The following PANK2 variants were observed in gnomAD, a reference collection of about 807,000 sequenced individuals.
PANK2 encodes pantothenate kinase 2, also known as pantothenate kinase 2, mitochondrial.
Under a neutral mutation model 43.1 loss-of-function variants are expected in PANK2, and 36 were observed. The observed-to-expected ratio is 0.84, with a 90% CI of 0.64 to 1.10. The LOEUF (loss-of-function observed/expected upper bound fraction) is 1.10, where lower values mean the gene tolerates loss of function less well. PANK2 is among the 50% of genes least tolerant of loss of function. PANK2 has a pLI of 0.00. For synonymous variants in PANK2, 281 were observed against 238.2 expected, an observed-to-expected ratio of 1.18 and a Z score of -1.66; for missense variants, 576 against 593.3, an observed-to-expected ratio of 0.97 and a Z score of 0.30.
upstream of PANK2, chr20:3,889,373 G>A (rs370260803): frequency 7.6e-6 from 12 of 1,575,452 alleles, no homozygotes; most frequent in Non-Finnish European, 1.0e-5. Context: ...GCGGCCGGCC[G>A]AGGGCGCGCC....
upstream of PANK2, chr20:3,889,096 G>A (rs1309393776): frequency 6.5e-7 from 1 of 1,539,186 alleles, no homozygotes; most frequent in South Asian, 1.2e-5. Flanking sequence ...GGAAGGAGGG[G>A]GTGGATGAGG....
chr20:3,896,681 C>T (rs938383476), intron 1 of PANK2, among the ~76,000 whole-genome samples: 2 of 152,022 alleles, frequency 1.3e-5, no homozygotes, highest in South Asian at 4.1e-4. Flanking sequence ...ATGAAGCCTC[C>T]ATTAAAAACC....
chr20:3,914,568 G>C (rs754516002), intron 4 of PANK2, among the ~76,000 whole-genome samples: 1 of 151,698 alleles, frequency 6.6e-6, no homozygotes, highest in Admixed American at 6.6e-5. Flanking sequence ...CAACATGTTG[G>C]GATTACAGGT....
At chr20:3,919,119 C>G (rs769618155) in intron 6 of PANK2, among the ~76,000 whole-genome samples, 15 of 152,160 alleles carry the variant, frequency 9.9e-5, no homozygotes, top group Admixed American at 3.9e-4. Context: ...GTTGGCCAAG[C>G]TGGTCTGGTC....
chr20:3,909,299 C>G (rs2090433362), intron 2 of PANK2, among the ~76,000 whole-genome samples: 1 of 152,078 alleles, frequency 6.6e-6, no homozygotes, highest in Non-Finnish European at 1.5e-5. Context: ...AGGCTGGTCT[C>G]GAACTCCTGA....
At chr20:3,912,717 C>T (rs998771404) in intron 4 of PANK2, 83 bp downstream of exon 4, 28 of 1,452,426 alleles carry the variant, frequency 1.9e-5, no homozygotes, top group Admixed American at 5.5e-5. Context: ...TTTGAGAGGC[C>T]GAGATGGGCA....
At chr20:3,899,651 G>A (rs970632185) in intron 1 of PANK2, among the ~76,000 whole-genome samples, 3 of 150,172 alleles carry the variant, frequency 2.0e-5, no homozygotes, top group Admixed American at 6.7e-5. Flanking sequence ...TAGTGTTTTC[G>A]AAGTATGTGT....
At chr20:3,896,214 C>T (rs527927128) in intron 1 of PANK2, among the ~76,000 whole-genome samples, 2 of 150,444 alleles carry the variant, frequency 1.3e-5, no homozygotes, top group African/African-American at 4.9e-5. Flanking sequence ...AGGTGCCCGC[C>T]ACCACGCCTG....
At chr20:3,904,721 A>T (rs1436951623) in intron 1 of PANK2, among the ~76,000 whole-genome samples, 1 of 152,124 alleles carries the variant, frequency 6.6e-6, no homozygotes, top group Non-Finnish European at 1.5e-5. Flanking sequence ...ATTTTTCTCT[A>T]TGGTAGCTTT....
chr20:3,892,534 G>A (rs1430116055), intron 1 of PANK2, among the ~76,000 whole-genome samples: 1 of 151,872 alleles, frequency 6.6e-6, no homozygotes, highest in Admixed American at 6.6e-5. Flanking sequence ...AAAATTAGCC[G>A]GGTGTGGTGA....
intron 1 of PANK2, among the ~76,000 whole-genome samples, chr20:3,903,702 A>G (rs2090342779): frequency 1.3e-5 from 2 of 148,358 alleles, no homozygotes; most frequent in South Asian, 4.3e-4. Context: ...ATCTCGGCTC[A>G]CTGCAGCCTC....
rs1357388482 is a variant in PANK2 at position 3,927,026 on chromosome 20, GTT to G, written c.*3734_*3735del. ...GAAGACTGCTTATCTGTATCCAGCT[GTT>G]TGCAGAGCTCAGGGAGGCCAGGGGG... is the stretch of plus-strand genomic sequence containing the variant. On this transcript the variant is annotated 3_prime_UTR_variant, in exon 7 of 7. Coordinates refer to ENST00000610179, the MANE Select transcript of PANK2 (RefSeq NM_001386393.1). The G allele has an allele frequency of 6.6e-6, 1 of 152,266 alleles. No individual in the cohort carries two copies. Among genetic ancestry groups the G allele is most frequent in the Non-Finnish European group, 1.5e-5 (1 of 68,424 alleles). 9.4% of individuals were successfully genotyped at this position (152,266 alleles called of 1,614,324 possible).
intron 1 of PANK2, among the ~76,000 whole-genome samples, chr20:3,901,872 A>G (rs747871055): frequency 5.3e-5 from 8 of 152,032 alleles, no homozygotes; most frequent in South Asian, 2.1e-4. Context: ...CATTTTCCTT[A>G]TAACTTTGAA....
At chr20:3,914,378 C>A (rs770043974) in intron 4 of PANK2, among the ~76,000 whole-genome samples, 1 of 151,856 alleles carries the variant, frequency 6.6e-6, no homozygotes, top group Non-Finnish European at 1.5e-5. Context: ...TGCAGTGTTG[C>A]GATCATAACT....
In PANK2 at chr20:3,889,574, G is replaced by C. The variant is rs2090078464; in HGVS notation, c.144G>C (p.Arg48=). 2 of 1,454,462 alleles carry C rather than the reference G, an allele frequency of 1.4e-6. No homozygotes were observed. The highest frequency in any genetic ancestry group is 1.8e-6 in the Non-Finnish European group (2 of 1,113,370). 90.1% of individuals were successfully genotyped at this position (1,454,462 alleles called of 1,614,324 possible). A position where few individuals can be genotyped will look rare whatever the true frequency, so the allele number is the denominator to read the frequency against. Residue 48 remains arginine, a synonymous_variant, in exon 1 of 7, where the codon CGG becomes CGC. Coordinates refer to ENST00000610179, the MANE Select transcript of PANK2 (RefSeq NM_001386393.1). ...AGGCGGCCGGGGACCCCGAAGGGCG[G>C]CGGCAGGAGCCACTGCGGCGCCGGG... is the stretch of plus-strand genomic sequence containing the variant.
At chr20:3,914,171 T>A (rs1276308771) in intron 4 of PANK2, among the ~76,000 whole-genome samples, 1 of 152,024 alleles carries the variant, frequency 6.6e-6, no homozygotes, top group East Asian at 1.9e-4. Flanking sequence ...TTTAATCTTT[T>A]GAGGAACTGC....
chr20:3,918,239 G>A (rs574513672), intron 5 of PANK2, among the ~76,000 whole-genome samples: 71 of 152,220 alleles, frequency 4.7e-4, no homozygotes, highest in African/African-American at 1.6e-3. Context: ...TTTTTTGCGA[G>A]GTTAATAGGT....
chr20:3,905,270 T>C (rs6052162), intron 1 of PANK2, among the ~76,000 whole-genome samples: 78,538 of 151,620 alleles, frequency 0.52, 20,773 homozygotes, highest in East Asian at 0.66. Context: ...TCATAGCTGA[T>C]CCCAGTTTTA....
chr20:3,889,343 G>A (rs2146803852), upstream of PANK2: 2 of 1,586,412 alleles, frequency 1.3e-6, no homozygotes, highest in East Asian at 4.6e-5. Flanking sequence ...GGCTTCCTGC[G>A]CGTTGGCGCA....
Sources: gnomAD v4.1 joint callset for allele counts (sites outside exome capture counted in the v4.1 genomes callset) on GRCh38, gnomAD v4.1.1 for gene constraint, MANE v1.5 for transcripts, NCBI Gene and HGNC (gene_info 2026-07-23, HGNC 2026-07-21) for gene names.